GLG1: variants seen among roughly 807,000 people sequenced by gnomAD.
GLG1 encodes golgi glycoprotein 1.
Under a neutral mutation model 160.5 loss-of-function variants are expected in GLG1, and 38 were observed. The observed-to-expected ratio is 0.24, with a 90% CI of 0.18 to 0.31. GLG1 has a LOEUF of 0.31. GLG1 is among the 10% of genes least tolerant of loss of function. GLG1 has a pLI of 1.00. For missense variants in GLG1, 1,373 were observed against 1,505.2 expected, an observed-to-expected ratio of 0.91 and a Z score of 1.45; for synonymous variants, 644 against 543.4, an observed-to-expected ratio of 1.19 and a Z score of -2.57.
intron 5 of GLG1, 146 bp from the exon 6 acceptor site, chr16:74,494,977 T>C: frequency 5.2e-5 from 16 of 305,308 alleles, no homozygotes; most frequent in East Asian, 1.3e-4. Flanking sequence ...TAAAATTTAA[T>C]AGGCTTTTAA....
intron 1 of GLG1, among the ~76,000 whole-genome samples, chr16:74,590,795 CAAAAAAAAAAA>C (rs71158529): frequency 2.9e-5 from 2 of 68,976 alleles, no homozygotes; most frequent in South Asian, 5.1e-4. Context: ...GAAACTGTCT[CAAAAAAAAAAA>C]AAAAAGAAAA....
chr16:74,594,184 G>C (rs764462303), intron 1 of GLG1, among the ~76,000 whole-genome samples: 1 of 152,164 alleles, frequency 6.6e-6, no homozygotes, highest in African/African-American at 2.4e-5. Context: ...TAGGATTACA[G>C]GTGTGAGCCA....
chr16:74,601,275 G>C (rs1332744089), intron 1 of GLG1, among the ~76,000 whole-genome samples: 1 of 152,046 alleles, frequency 6.6e-6, no homozygotes, highest in African/African-American at 2.4e-5. Context: ...TTAGACAGCA[G>C]AGATCTTAGA....
chr16:74,472,061 C>T (rs1301689158), intron 14 of GLG1, among the ~76,000 whole-genome samples: 6 of 152,082 alleles, frequency 3.9e-5, no homozygotes, highest in African/African-American at 1.2e-4. Context: ...TGTACCACCA[C>T]GCCCAGCTAA....
chr16:74,549,945 A>C lies in GLG1; in HGVS notation c.439-17792T>G, dbSNP rs572976057. ...CCTGGGCAACATAGCAAAACCCCAAATGTGCCAAAAAGAAAAAAAAAAGTT... is the reference window on the plus strand; with the variant it reads ...CCTGGGCAACATAGCAAAACCCCAACTGTGCCAAAAAGAAAAAAAAAAGTT... On this transcript the variant is annotated intron_variant, in intron 1 of 25. Coordinates refer to ENST00000422840, the MANE Select transcript of GLG1 (RefSeq NM_001145667.2). 3.4e-3 allele frequency among the ~76,000 whole-genome samples: 519 copies of C among 151,274 alleles called. 1 individual carries two copies. Among genetic ancestry groups the C allele is most frequent in the African/African-American group, 0.012 (485 of 41,224 alleles).
At chr16:74,527,630 C>T (rs1487166926) in intron 2 of GLG1, among the ~76,000 whole-genome samples, 2 of 152,168 alleles carry the variant, frequency 1.3e-5, no homozygotes, top group Non-Finnish European at 2.9e-5. Context: ...TACTTCTCTG[C>T]TTCAATTTGT....
chr16:74,573,341 T>TA (rs2018891397), intron 1 of GLG1, among the ~76,000 whole-genome samples: 1 of 151,584 alleles, frequency 6.6e-6, no homozygotes, highest in African/African-American at 2.4e-5. Flanking sequence ...ATATTTTTTT[T>TA]AAAAATTGCT....
At chr16:74,486,780 GTTTC>G (rs1329675576) in intron 8 of GLG1, among the ~76,000 whole-genome samples, 8 of 152,118 alleles carry the variant, frequency 5.3e-5, no homozygotes, top group African/African-American at 1.7e-4. Flanking sequence ...CTAAGTTTTA[GTTTC>G]TTTAACTGCA....
intron 24 of GLG1, among the ~76,000 whole-genome samples, chr16:74,457,461 A>C (rs1331321128): frequency 1.3e-5 from 2 of 152,170 alleles, no homozygotes; most frequent in Non-Finnish European, 2.9e-5. Flanking sequence ...CGTGGCTCAA[A>C]AAGAACTCTC....
intron 25 of GLG1, 120 bp downstream of exon 25, chr16:74,456,529 G>C: frequency 2.8e-6 from 2 of 710,020 alleles, no homozygotes; most frequent in Non-Finnish European, 5.0e-6. Context: ...ATATCTAAAA[G>C]AGGCTGGACA....
At chr16:74,462,656 G>A in intron 20 of GLG1, 26 bp from the exon 21 acceptor site, 1 of 1,611,606 alleles carries the variant, frequency 6.2e-7, no homozygotes, top group Non-Finnish European at 8.5e-7. Flanking sequence ...GTGAGCATGT[G>A]ACAAAACATT....
chr16:74,470,598 G>A (rs899854331), intron 15 of GLG1, among the ~76,000 whole-genome samples: 3 of 151,264 alleles, frequency 2.0e-5, no homozygotes, highest in Admixed American at 6.6e-5. Flanking sequence ...ACAGGCACCC[G>A]CCATCACGCC....
intron 11 of GLG1, among the ~76,000 whole-genome samples, chr16:74,478,583 T>C (rs1392925639): frequency 6.6e-6 from 1 of 152,120 alleles, no homozygotes; most frequent in Non-Finnish European, 1.5e-5. Context: ...CACACAACAC[T>C]GTAAATGTAC....
chr16:74,507,015 T>C (rs2016636766), intron 3 of GLG1, among the ~76,000 whole-genome samples: 1 of 152,194 alleles, frequency 6.6e-6, no homozygotes, highest in African/African-American at 2.4e-5. Flanking sequence ...TAAGTTTGGT[T>C]TGTATTAATA....
Position 74,475,157 on chromosome 16 carries a change from C to CAA in GLG1, c.1966-527_1966-526dup, listed in dbSNP as rs58639513. ...GGGCAACAAGAGTGAAACTCCGTCT[C>CAA]AAAAAAAAAAAAAAAAAAAAAAAAG... On this transcript the variant is annotated intron_variant, in intron 12 of 25. Coordinates refer to ENST00000422840, the MANE Select transcript of GLG1 (RefSeq NM_001145667.2). Among the ~76,000 whole-genome samples, 144 of 52,768 alleles carry CAA rather than the reference C, an allele frequency of 2.7e-3. 1 individual carries two copies. The highest frequency in any genetic ancestry group is 6.4e-3 in the African/African-American group (86 of 13,352). 34.6% of individuals were successfully genotyped at this position (52,768 alleles called of 152,430 possible).
chr16:74,471,867 A>G (rs2015219409), intron 14 of GLG1, among the ~76,000 whole-genome samples: 1 of 151,764 alleles, frequency 6.6e-6, no homozygotes, highest in Non-Finnish European at 1.5e-5. Context: ...AGCTAATCAA[A>G]CACAGGTTCC....
At chr16:74,506,351 G>A (rs1203882016) in intron 3 of GLG1, among the ~76,000 whole-genome samples, 1 of 151,524 alleles carries the variant, frequency 6.6e-6, no homozygotes, top group East Asian at 1.9e-4. Context: ...GGCCCAGGCG[G>A]GCGGATCACG....
intron 23 of GLG1, 27 bp downstream of exon 23, chr16:74,459,655 T>A (rs1192389325): frequency 9.2e-7 from 1 of 1,092,030 alleles, no homozygotes; most frequent in Non-Finnish European, 1.4e-6. Context: ...AGAAATGAAG[T>A]GAGGAAAAGA....
At chr16:74,466,608 G>T (rs1377133629) in intron 18 of GLG1, among the ~76,000 whole-genome samples, 1 of 152,022 alleles carries the variant, frequency 6.6e-6, no homozygotes, top group Non-Finnish European at 1.5e-5. Context: ...TGAGGGAAAG[G>T]GGTAATAGAG....
Sources: gnomAD v4.1 joint callset for allele counts (sites outside exome capture counted in the v4.1 genomes callset) on GRCh38, gnomAD v4.1.1 for gene constraint, MANE v1.5 for transcripts, NCBI Gene and HGNC (gene_info 2026-07-23, HGNC 2026-07-21) for gene names.